Variants in ZBTB20 observed in about 807,000 individuals in gnomAD.
ZBTB20 encodes the protein zinc finger and BTB domain-containing protein 20.
ZBTB20 carries 9 observed loss-of-function variants against 56.9 expected under a neutral mutation model. The observed-to-expected ratio is 0.16, with a 90% CI of 0.10 to 0.28. ZBTB20 has a LOEUF of 0.28. ZBTB20 is among the 10% of genes least tolerant of loss of function. ZBTB20 has a pLI of 1.00. For synonymous variants in ZBTB20, 417 were observed against 420.7 expected (o/e 0.99, Z 0.11); for missense variants, 655 against 1,003.0 (o/e 0.65, Z 4.69).
chr3:114,450,311 C>G (rs2091525550), intron 7 of ZBTB20, among the ~76,000 whole-genome samples: 1 of 152,172 alleles, frequency 6.6e-6, no homozygotes, highest in African/African-American at 2.4e-5. Flanking sequence ...AAACAAATTT[C>G]CTCAAACAAA....
At chr3:114,939,674 G>T (rs1386916782) in intron 3 of ZBTB20, among the ~76,000 whole-genome samples, 1 of 146,284 alleles carries the variant, frequency 6.8e-6, no homozygotes, top group East Asian at 1.9e-4. Flanking sequence ...AGAAAACAAA[G>T]AAGACAATAA....
At chr3:114,489,572 C>G (rs868034978) in intron 7 of ZBTB20, among the ~76,000 whole-genome samples, 2 of 151,906 alleles carry the variant, frequency 1.3e-5, no homozygotes, top group Admixed American at 6.6e-5. Flanking sequence ...AATGTATGCT[C>G]AGGCATGTTA....
intron 6 of ZBTB20, among the ~76,000 whole-genome samples, chr3:114,584,153 A>T (rs963946713): frequency 2.0e-5 from 3 of 152,222 alleles, no homozygotes; most frequent in Non-Finnish European, 4.4e-5. Context: ...AAATGATCAA[A>T]TAAGCAAATA....
chr3:114,609,696 G>A (rs974669412), intron 6 of ZBTB20, among the ~76,000 whole-genome samples: 1 of 152,096 alleles, frequency 6.6e-6, no homozygotes, highest in Admixed American at 6.6e-5. Context: ...TTTTCCTGCT[G>A]GGAGACAATG....
rs545470816 is a variant in ZBTB20, at chr3:114,460,927, G to A, written c.-255+39425C>T. On this transcript the variant is annotated intron_variant, in intron 7 of 11. Coordinates refer to ENST00000675478, the MANE Select transcript of ZBTB20 (RefSeq NM_001348800.3). Reference sequence around the variant, plus strand: ...TATTGACTAGGATAAGTCAAGGAGGGTCTTTTCTCCTGACACTAAGAGCTT... The same window carrying A: ...TATTGACTAGGATAAGTCAAGGAGGATCTTTTCTCCTGACACTAAGAGCTT... Among the ~76,000 whole-genome samples, 3 of 152,236 alleles carry A rather than the reference G, an allele frequency of 2.0e-5. No homozygotes were observed. The South Asian group carries it at 6.2e-4, about 32-fold the overall frequency.
chr3:114,978,204 T>C (rs114397286), intron 2 of ZBTB20, among the ~76,000 whole-genome samples: 4,569 of 150,302 alleles, frequency 0.03, 84 homozygotes, highest in South Asian at 0.039. Context: ...AATAGAATTG[T>C]GAGTTCTCTT....
chr3:115,140,275 G>C (rs577889392), intron 1 of ZBTB20, among the ~76,000 whole-genome samples: 1 of 151,996 alleles, frequency 6.6e-6, no homozygotes, highest in Non-Finnish European at 1.5e-5. Context: ...GTATAACAAA[G>C]AGTTGAATTT....
At chr3:114,709,897 T>A (rs373548526) in intron 5 of ZBTB20, among the ~76,000 whole-genome samples, 50 of 152,308 alleles carry the variant, frequency 3.3e-4, no homozygotes, top group African/African-American at 1.1e-3. Flanking sequence ...AGTTTATGTC[T>A]TTGTACAATC....
chr3:114,439,188 AAAC>A (rs1440522685), intron 7 of ZBTB20, among the ~76,000 whole-genome samples: 8 of 152,066 alleles, frequency 5.3e-5, no homozygotes, highest in Non-Finnish European at 8.8e-5. Context: ...ATTTATTTAA[AAAC>A]AACAACAAAA....
intron 4 of ZBTB20, among the ~76,000 whole-genome samples, chr3:114,899,972 G>C (rs1390077387): frequency 6.6e-6 from 1 of 151,916 alleles, no homozygotes; most frequent in Non-Finnish European, 1.5e-5. Flanking sequence ...AACAATAATG[G>C]CAAAACTGTG....
chr3:114,479,221 G>A (rs995449741), intron 7 of ZBTB20, among the ~76,000 whole-genome samples: 2 of 152,048 alleles, frequency 1.3e-5, no homozygotes, highest in Non-Finnish European at 2.9e-5. Flanking sequence ...GACTCAATTT[G>A]GAGCACAGAA....
intron 10 of ZBTB20, 188 bp from the exon 11 acceptor site, chr3:114,352,066 C>G (rs562877210): frequency 2.7e-6 from 2 of 753,948 alleles, no homozygotes; most frequent in East Asian, 5.5e-5. Context: ...GGAAAAGGAC[C>G]TTGAATTTTG....
At chr3:114,574,294 A>T (rs1045191657) in intron 6 of ZBTB20, among the ~76,000 whole-genome samples, 1 of 152,188 alleles carries the variant, frequency 6.6e-6, no homozygotes, top group Non-Finnish European at 1.5e-5. Context: ...CTCTAGACAG[A>T]TGCCTAGAAG....
At chr3:114,490,243 A>G (rs192776962) in intron 7 of ZBTB20, among the ~76,000 whole-genome samples, 2 of 152,014 alleles carry the variant, frequency 1.3e-5, no homozygotes, top group Admixed American at 6.6e-5. Flanking sequence ...ATTTTTTGAG[A>G]TGGAGTCTCA....
At chr3:115,104,101 T>A (rs1396299153) in intron 1 of ZBTB20, among the ~76,000 whole-genome samples, 1 of 152,144 alleles carries the variant, frequency 6.6e-6, no homozygotes, top group African/African-American at 2.4e-5. Context: ...TGAAAGGGGC[T>A]CCATATTATA....
chr3:115,011,741 A>G (rs1388711687), intron 2 of ZBTB20, among the ~76,000 whole-genome samples: 1 of 151,890 alleles, frequency 6.6e-6, no homozygotes, highest in Non-Finnish European at 1.5e-5. Flanking sequence ...GGTAATAGTA[A>G]ATACACAGAA....
chr3:114,861,685 AC>A (rs2075536554), intron 4 of ZBTB20: 7 of 67,450 alleles, frequency 1.0e-4, no homozygotes, highest in South Asian at 1.0e-3. Context: ...CACACCACAC[AC>A]ACACACACAC....
intron 4 of ZBTB20, among the ~76,000 whole-genome samples, chr3:114,844,163 A>G (rs2074531682): frequency 6.6e-6 from 1 of 151,758 alleles, no homozygotes; most frequent in Non-Finnish European, 1.5e-5. Context: ...ATGCTATGAC[A>G]TAAATGGATC....
intron 7 of ZBTB20, among the ~76,000 whole-genome samples, chr3:114,454,175 GGAGAGAGAGAGAGAGA>G (rs71146322): frequency 8.6e-6 from 1 of 116,676 alleles, no homozygotes; most frequent in African/African-American, 4.0e-5. Context: ...AAAAGAGAAG[GGAGAGAGAGAGAGAGA>G]GAGAGAGAGA....
Sources: allele counts gnomAD v4.1 joint callset (sites outside exome capture counted in the v4.1 genomes callset), GRCh38; gene constraint gnomAD v4.1.1; transcripts MANE v1.5; gene names NCBI Gene and HGNC (gene_info 2026-07-23, HGNC 2026-07-21).